Variants in BBX observed in about 807,000 individuals in gnomAD.
BBX encodes the protein HMG box transcription factor BBX.
BBX carries 30 observed loss-of-function variants against 100.2 expected under a neutral mutation model. The observed-to-expected ratio is 0.30, with a 90% CI of 0.22 to 0.41. BBX has a LOEUF of 0.41. Among genes scored for constraint, BBX ranks in the 10% least tolerant of loss-of-function variants. The pLI, the probability that BBX is intolerant of heterozygous loss-of-function variation, is 1.00. For missense variants in BBX, 1,023 were observed against 1,129.8 expected (o/e 0.91, Z 1.35); for synonymous variants, 376 against 388.1 (o/e 0.97, Z 0.37).
intron 2 of BBX, among the ~76,000 whole-genome samples, chr3:107,643,740 C>G (rs180962194): frequency 1.4e-4 from 22 of 152,296 alleles, no homozygotes; most frequent in Admixed American, 8.5e-4. Flanking sequence ...AGTACACTCT[C>G]TGAAATACTA....
chr3:107,696,236 A>G (rs1231102294), intron 3 of BBX, among the ~76,000 whole-genome samples: 2 of 151,734 alleles, frequency 1.3e-5, no homozygotes, highest in Non-Finnish European at 1.5e-5. Context: ...TGATCCTGTC[A>G]TTGTGATGTT....
rs1265952055 is a variant in BBX, at chr3:107,769,219, T to TAGAC, written c.907-3406_907-3405insCAGA. Among the ~76,000 whole-genome samples, 6 of 137,434 alleles carry TAGAC rather than the reference T, an allele frequency of 4.4e-5. 1 individual carries two copies. Among genetic ancestry groups the TAGAC allele is most frequent in the African/African-American group, 1.4e-4 (5 of 35,484 alleles). The allele number at this position is 137,434 out of a possible 152,430, so 90.2% of individuals were successfully genotyped here. A position where few individuals can be genotyped will look rare whatever the true frequency, so the allele number is the denominator to read the frequency against. ...ATAGATAGATAGATAGATAGATAGA[T>TAGAC]AGATAGATAGACAGATAGATAGGAT... is the stretch of plus-strand genomic sequence containing the variant. On this transcript the variant is annotated intron_variant, in intron 10 of 17. Coordinates refer to ENST00000325805, the MANE Select transcript of BBX (RefSeq NM_001142568.3).
chr3:107,651,805 C>A (rs926556364), intron 3 of BBX, among the ~76,000 whole-genome samples: 4 of 152,200 alleles, frequency 2.6e-5, no homozygotes, highest in Non-Finnish European at 4.4e-5. Flanking sequence ...CTGACATCAG[C>A]TTCTAAATTA....
At chr3:107,624,651 C>G (rs2056039586) in intron 2 of BBX, among the ~76,000 whole-genome samples, 1 of 152,100 alleles carries the variant, frequency 6.6e-6, no homozygotes, top group Non-Finnish European at 1.5e-5. Context: ...GGCAGATCAC[C>G]TGAGGTCAGG....
intron 3 of BBX, among the ~76,000 whole-genome samples, chr3:107,693,755 G>A (rs529913242): frequency 7.9e-5 from 12 of 151,936 alleles, no homozygotes; most frequent in Admixed American, 5.2e-4. Flanking sequence ...GTAGCTTGAT[G>A]GGGATGGCAC....
intron 2 of BBX, among the ~76,000 whole-genome samples, chr3:107,557,967 A>G (rs2050201392): frequency 6.6e-6 from 1 of 152,178 alleles, no homozygotes. Context: ...TGGTAGAAAT[A>G]CCTATACCCA....
intron 7 of BBX, among the ~76,000 whole-genome samples, chr3:107,741,168 TG>T (rs2064072762): frequency 6.6e-6 from 1 of 151,960 alleles, no homozygotes; most frequent in Non-Finnish European, 1.5e-5. Flanking sequence ...AGTGCATGGT[TG>T]TGGTCCTGTG....
chr3:107,547,629 G>A (rs2049334015), intron 2 of BBX, among the ~76,000 whole-genome samples: 3 of 152,128 alleles, frequency 2.0e-5, no homozygotes, highest in Admixed American at 1.3e-4. Flanking sequence ...CTTACTGCCT[G>A]TGGTGTACCC....
chr3:107,711,684 C>T (rs916041723), intron 4 of BBX, among the ~76,000 whole-genome samples: 2 of 152,052 alleles, frequency 1.3e-5, no homozygotes, highest in African/African-American at 4.8e-5. Context: ...TCCACCTTTC[C>T]TGTTTCAGAG....
chr3:107,615,652 A>G (rs1010731800), intron 2 of BBX, among the ~76,000 whole-genome samples: 2 of 152,160 alleles, frequency 1.3e-5, no homozygotes, highest in African/African-American at 4.8e-5. Flanking sequence ...AGACCATAGC[A>G]AGTGACAACT....
intron 3 of BBX, among the ~76,000 whole-genome samples, chr3:107,697,508 C>T (rs1012527511): frequency 2.0e-5 from 3 of 151,928 alleles, no homozygotes; most frequent in Non-Finnish European, 4.4e-5. Context: ...TTAGGCTGCT[C>T]GGGGGTCAGG....
At chr3:107,744,260 A>G (rs76802876) in intron 7 of BBX, among the ~76,000 whole-genome samples, 2 of 152,142 alleles carry the variant, frequency 1.3e-5, no homozygotes, top group African/African-American at 4.8e-5. Flanking sequence ...TGTGGTGATC[A>G]GTGTTTAATA....
intron 2 of BBX, among the ~76,000 whole-genome samples, chr3:107,556,542 A>G (rs1028449625): frequency 4.6e-5 from 7 of 152,118 alleles, no homozygotes; most frequent in African/African-American, 1.2e-4. Flanking sequence ...AACAGAACCA[A>G]TGAGGCTGGG....
intron 5 of BBX, among the ~76,000 whole-genome samples, chr3:107,719,214 C>T (rs2062342416): frequency 6.6e-6 from 1 of 151,902 alleles, no homozygotes; most frequent in African/African-American, 2.4e-5. Flanking sequence ...AGATGTGTAA[C>T]GTTTAAATTT....
intron 3 of BBX, among the ~76,000 whole-genome samples, chr3:107,673,711 T>A (rs1211188324): frequency 3.3e-5 from 5 of 152,150 alleles, no homozygotes; most frequent in Admixed American, 6.6e-5. Context: ...AGTTTTTTTT[T>A]AGAAATTTCT....
In BBX at chr3:107,798,611, A is replaced by G; in HGVS notation, c.2442A>G (p.Thr814=). Residue 814 remains threonine, a synonymous_variant, in exon 16 of 18, where the codon ACA becomes ACG. Transcript: ENST00000325805. ...PSIFNTPEPT[T]TQEPLVGSQK... is the part of the protein sequence containing the mutation. ...TTTTCAACACTCCAGAGCCAACAACAACGCAAGAACCTTTGGTGGGCAGCC... is the reference window on the plus strand; with the variant it reads ...TTTTCAACACTCCAGAGCCAACAACGACGCAAGAACCTTTGGTGGGCAGCC... 1 of 1,614,176 alleles carries G rather than the reference A, an allele frequency of 6.2e-7. No homozygotes were observed. Among genetic ancestry groups the G allele is most frequent in the Non-Finnish European group, 8.5e-7 (1 of 1,180,014 alleles).
intron 3 of BBX, among the ~76,000 whole-genome samples, chr3:107,664,951 A>C (rs1008859949): frequency 1.3e-5 from 2 of 152,142 alleles, no homozygotes; most frequent in African/African-American, 4.8e-5. Flanking sequence ...TTGTTAGCCA[A>C]TGATTCTTTT....
At chr3:107,774,343 G>T (rs1169586721) in intron 11 of BBX, among the ~76,000 whole-genome samples, 1 of 152,080 alleles carries the variant, frequency 6.6e-6, no homozygotes, top group Non-Finnish European at 1.5e-5. Flanking sequence ...AGATACTTGG[G>T]CCTATTTCAT....
intron 12 of BBX, among the ~76,000 whole-genome samples, chr3:107,775,770 T>G (rs113726426): frequency 6.6e-6 from 1 of 152,148 alleles, no homozygotes; most frequent in African/African-American, 2.4e-5. Context: ...GCTTTAAGTC[T>G]GGCTAATTCT....
Sources: allele counts gnomAD v4.1 joint callset (sites outside exome capture counted in the v4.1 genomes callset), GRCh38; gene constraint gnomAD v4.1.1; transcripts MANE v1.5; gene names NCBI Gene and HGNC (gene_info 2026-07-23, HGNC 2026-07-21).